Variants in MDGA2 observed in about 807,000 individuals in gnomAD.
MDGA2 encodes the protein MAM domain containing glycosylphosphatidylinositol anchor 2, also known as MAM domain-containing glycosylphosphatidylinositol anchor protein 2.
Under a neutral mutation model 117.8 loss-of-function variants are expected in MDGA2, and 40 were observed. The observed-to-expected ratio is 0.34, with a 90% CI of 0.26 to 0.44. The LOEUF is 0.44. MDGA2 is among the 20% of genes least tolerant of loss of function. The probability of loss-of-function intolerance (pLI) is 1.00; values close to 1 mark genes in which losing one functional copy is unlikely to be tolerated. For synonymous variants in MDGA2, 452 were observed against 439.0 expected, an observed-to-expected ratio of 1.03 and a Z score of -0.37; for missense variants, 1,123 against 1,250.6, an observed-to-expected ratio of 0.90 and a Z score of 1.54.
At chr14:46,911,244 T>C (rs1204462600) in intron 10 of MDGA2, among the ~76,000 whole-genome samples, 1 of 152,220 alleles carries the variant, frequency 6.6e-6, no homozygotes, top group Non-Finnish European at 1.5e-5. Flanking sequence ...TTACAAATGG[T>C]TTCCAAAACT....
At chr14:46,867,720 C>A (rs1343515593) in intron 14 of MDGA2, among the ~76,000 whole-genome samples, 1 of 151,878 alleles carries the variant, frequency 6.6e-6, no homozygotes, top group Non-Finnish European at 1.5e-5. Context: ...TTTATTTGAA[C>A]AAGTTTTATA....
intron 1 of MDGA2, among the ~76,000 whole-genome samples, chr14:47,613,553 C>G (rs562039816): frequency 6.6e-6 from 1 of 151,552 alleles, no homozygotes; most frequent in South Asian, 2.1e-4. Flanking sequence ...AAATCCTGAA[C>G]TTGCAGAAAT....
At chr14:47,088,135 T>C (rs1373473270) in intron 6 of MDGA2, among the ~76,000 whole-genome samples, 1 of 152,086 alleles carries the variant, frequency 6.6e-6, no homozygotes, top group Non-Finnish European at 1.5e-5. Context: ...TCATAAATTA[T>C]TTTAATGAAC....
intron 1 of MDGA2, among the ~76,000 whole-genome samples, chr14:47,609,456 T>TATATATATATATAA (rs1434045282): frequency 9.1e-6 from 1 of 110,152 alleles, no homozygotes; most frequent in African/African-American, 3.4e-5. Flanking sequence ...TATATATATA[T>TATATATATATATAA]ATATATATAA....
chr14:47,301,681 C>T, intron 1 of MDGA2, 131 bp from the exon 2 acceptor site: 1 of 871,972 alleles, frequency 1.1e-6, no homozygotes, highest in South Asian at 1.8e-5. Context: ...ATTCATCAGT[C>T]TTAACACCTC....
intron 1 of MDGA2, among the ~76,000 whole-genome samples, chr14:47,445,830 C>T (rs1432509184): frequency 1.3e-5 from 2 of 152,032 alleles, no homozygotes; most frequent in African/African-American, 4.8e-5. Context: ...TTGTCTGGAA[C>T]AAGACAAGCA....
chr14:46,883,084 A>G (rs989522595), intron 10 of MDGA2, among the ~76,000 whole-genome samples: 3 of 152,104 alleles, frequency 2.0e-5, no homozygotes, highest in Admixed American at 1.3e-4. Context: ...AATCTTGCAG[A>G]TATTTTTAAA....
intron 1 of MDGA2, among the ~76,000 whole-genome samples, chr14:47,356,222 A>C (rs921175472): frequency 6.6e-6 from 1 of 152,150 alleles, no homozygotes; most frequent in Non-Finnish European, 1.5e-5. Flanking sequence ...TGGTTTTCAG[A>C]AGAAAAGGCT....
intron 1 of MDGA2, among the ~76,000 whole-genome samples, chr14:47,506,200 A>G (rs574878197): frequency 6.6e-6 from 1 of 152,298 alleles, no homozygotes; most frequent in East Asian, 1.9e-4. Flanking sequence ...CAGAGAAGAC[A>G]TCCAAATGGG....
In MDGA2 at chr14:47,331,922, C is replaced by T. The variant is rs552472628; in HGVS notation, c.281-30372G>A. 2.0e-5 allele frequency among the ~76,000 whole-genome samples: 3 copies of T among 152,072 alleles called. No homozygotes were observed. In the South Asian group the frequency reaches 6.2e-4, roughly 31 times the overall value. On this transcript the variant is annotated intron_variant, in intron 1 of 16. Transcript: ENST00000399232. ...AAAGGAAATCAAATAAAACAACTCT[C>T]ATTTAGCACGTACGAACATTTTGGC...
intron 1 of MDGA2, among the ~76,000 whole-genome samples, chr14:47,366,320 A>G (rs1350803516): frequency 6.6e-6 from 1 of 152,064 alleles, no homozygotes; most frequent in Non-Finnish European, 1.5e-5. Flanking sequence ...TTTAAAATGT[A>G]AATCCCCTAA....
intron 10 of MDGA2, among the ~76,000 whole-genome samples, chr14:46,892,052 C>G (rs144359933): frequency 6.6e-6 from 1 of 151,536 alleles, no homozygotes; most frequent in Non-Finnish European, 1.5e-5. Flanking sequence ...CCTTAACATA[C>G]AAGTGACAAC....
intron 1 of MDGA2, among the ~76,000 whole-genome samples, chr14:47,408,603 C>T (rs1458416419): frequency 6.6e-6 from 1 of 152,204 alleles, no homozygotes; most frequent in Non-Finnish European, 1.5e-5. Flanking sequence ...AATGAAACCT[C>T]CACAAAGTTT....
intron 1 of MDGA2, among the ~76,000 whole-genome samples, chr14:47,463,935 A>G (rs1893544661): frequency 6.6e-6 from 1 of 152,084 alleles, no homozygotes; most frequent in Admixed American, 6.6e-5. Flanking sequence ...TTACTTCATC[A>G]CAGTATAATT....
chr14:47,297,935 A>G (rs1000888083), intron 2 of MDGA2, among the ~76,000 whole-genome samples: 5 of 152,146 alleles, frequency 3.3e-5, no homozygotes, highest in African/African-American at 4.8e-5. Context: ...ATATGTTTCT[A>G]TTACATGCTG....
At chr14:47,583,161 G>C (rs567831688) in intron 1 of MDGA2, among the ~76,000 whole-genome samples, 1 of 152,034 alleles carries the variant, frequency 6.6e-6, no homozygotes, top group Admixed American at 6.6e-5. Flanking sequence ...CACAGAGCTT[G>C]AGGTGAAACA....
chr14:47,053,672 T>C (rs61992837), intron 7 of MDGA2, among the ~76,000 whole-genome samples: 7,494 of 139,252 alleles, frequency 0.054, 311 homozygotes, highest in Middle Eastern at 0.072. Context: ...CACACACACA[T>C]ATATATATAC....
chr14:47,514,348 C>T (rs8004182), intron 1 of MDGA2, among the ~76,000 whole-genome samples: 5,761 of 152,056 alleles, frequency 0.038, 367 homozygotes, highest in African/African-American at 0.13. Context: ...CCTAGTTGGA[C>T]TTAAGAAGCA....
chr14:47,157,595 ATGTGTGTGTG>A (rs55697311), intron 3 of MDGA2, among the ~76,000 whole-genome samples: 12,497 of 144,456 alleles, frequency 0.087, 741 homozygotes, highest in Admixed American at 0.16. Flanking sequence ...ATGTACATAT[ATGTGTGTGTG>A]TGTGTGTGTG....
Sources: gnomAD v4.1 joint callset for allele counts (sites outside exome capture counted in the v4.1 genomes callset) on GRCh38, gnomAD v4.1.1 for gene constraint, MANE v1.5 for transcripts, NCBI Gene and HGNC (gene_info 2026-07-23, HGNC 2026-07-21) for gene names.